The following CLIC6 variants were observed in gnomAD, a reference collection of about 807,000 sequenced individuals.
CLIC6 encodes the protein chloride intracellular channel protein 6.
CLIC6 carries 39 observed loss-of-function variants against 49.2 expected under a neutral mutation model. The observed-to-expected ratio is 0.79, with a 90% CI of 0.61 to 1.04. The LOEUF is 1.04. Among genes scored for constraint, CLIC6 ranks in the 50% least tolerant of loss-of-function variants. CLIC6 has a pLI of 0.00. For synonymous variants in CLIC6, 446 were observed against 433.4 expected (o/e 1.03, Z -0.36); for missense variants, 988 against 993.1 (o/e 0.99, Z 0.07).
Position 34,716,862 on chromosome 21 carries a change from TCACACACACA to T in CLIC6, c.*409_*418del, listed in dbSNP as rs10541127. ...CTCTCTCTCTCTCTCTCTCTCTCTA[TCACACACACA>T]CACACACACACACACACACACACAC... On this transcript the variant is annotated 3_prime_UTR_variant, in exon 6 of 6. Transcript: ENST00000349499. The T allele has an allele frequency of 6.7e-4, 88 of 131,728 alleles. No homozygotes were observed. The highest frequency in any genetic ancestry group is 1.8e-3 in the East Asian group (8 of 4,440). The allele number at this position is 131,728 out of a possible 1,614,324, so 8.2% of individuals were successfully genotyped here.
intron 1 of CLIC6, among the ~76,000 whole-genome samples, chr21:34,702,123 A>G (rs1245204448): frequency 1.3e-5 from 2 of 152,112 alleles, no homozygotes; most frequent in African/African-American, 4.8e-5. Context: ...GGCCCCCGTC[A>G]TTTTGTGAGC....
chr21:34,704,368 AC>A (rs1391402896), intron 1 of CLIC6, among the ~76,000 whole-genome samples: 4 of 152,066 alleles, frequency 2.6e-5, no homozygotes, highest in African/African-American at 9.7e-5. Flanking sequence ...TGTTCCCGTA[AC>A]CCCCTCATTT....
At position 34,670,075 on chromosome 21, in the gene CLIC6, C is replaced by T. The variant is rs1373116711; in HGVS notation, c.687C>T (p.Ser229=). ...ACGCGGAGGGCCGGGTGGGGGACAG[C>T]GTAGACGCGGAAGGTCCGGCGGGGG... ...SVDAEGRVGD[S]VDAEGPAGDS... The change falls in exon 1 of 6, where the codon AGC becomes AGT. Residue 229 remains serine, a synonymous_variant. Coordinates refer to ENST00000349499, the MANE Select transcript of CLIC6 (RefSeq NM_053277.3). 3 of 1,344,402 alleles carry T rather than the reference C, an allele frequency of 2.2e-6. No individual in the cohort carries two copies. Among genetic ancestry groups the T allele is most frequent in the Non-Finnish European group, 2.8e-6 (3 of 1,061,450 alleles). 83.3% of individuals were successfully genotyped at this position (1,344,402 alleles called of 1,614,324 possible). A position where few individuals can be genotyped will look rare whatever the true frequency, so the allele number is the denominator to read the frequency against.
In CLIC6 at chr21:34,717,511, C is replaced by T. The variant is rs2056094529; in HGVS notation, c.*1029C>T. The T allele has an allele frequency of 3.9e-5, 6 of 152,114 alleles. No homozygotes were observed. Among genetic ancestry groups the T allele is most frequent in the Admixed American group, 3.9e-4 (6 of 15,272 alleles). 9.4% of individuals were successfully genotyped at this position (152,114 alleles called of 1,614,324 possible). On this transcript the variant is annotated 3_prime_UTR_variant, in exon 6 of 6. Coordinates refer to ENST00000349499, the MANE Select transcript of CLIC6 (RefSeq NM_053277.3). ...GTCCTGGGCAGTTCTGGTAAACGGT[C>T]CAGTTAGGGAGGGAGTAGAAACTAT... is the stretch of plus-strand genomic sequence containing the variant.
chr21:34,674,266 A>C (rs542976275), intron 1 of CLIC6, among the ~76,000 whole-genome samples: 59 of 152,226 alleles, frequency 3.9e-4, no homozygotes, highest in African/African-American at 1.3e-3. Flanking sequence ...TTTCAAAAAA[A>C]TTTTTGTAGA....
chr21:34,694,403 C>A (rs1990056586), intron 1 of CLIC6, among the ~76,000 whole-genome samples: 1 of 152,044 alleles, frequency 6.6e-6, no homozygotes, highest in Non-Finnish European at 1.5e-5. Flanking sequence ...ACCTCCTGGG[C>A]TCAAGCAATC....
rs141201861 is a variant in CLIC6 at position 34,697,341 on chromosome 21, G to A, written c.1375-9939G>A. ...GGTTCTCCACAGACTTGGGGAGTTTGTTAGGCTTGTCTTAAATTCTCATCT... is the reference window on the plus strand; with the variant it reads ...GGTTCTCCACAGACTTGGGGAGTTTATTAGGCTTGTCTTAAATTCTCATCT... On this transcript the variant is annotated intron_variant, in intron 1 of 5. Coordinates refer to ENST00000349499, the MANE Select transcript of CLIC6 (RefSeq NM_053277.3). Among the ~76,000 whole-genome samples, 750 of 152,284 alleles carry A rather than the reference G, an allele frequency of 4.9e-3. 8 individuals carry two copies. Among genetic ancestry groups the A allele is most frequent in the African/African-American group, 0.017 (706 of 41,546 alleles).
rs540715522 is a variant in CLIC6 at position 34,715,719 on chromosome 21, C to T, written c.1900-602C>T. On this transcript the variant is annotated intron_variant, in intron 5 of 5. Coordinates refer to ENST00000349499, the MANE Select transcript of CLIC6 (RefSeq NM_053277.3). ...TGCTGTGTTTCTCTTGGTGCTGTCT[C>T]TCGACTGCTTCTTCCTTACACCCAC... 3.3e-5 allele frequency among the ~76,000 whole-genome samples: 5 copies of T among 152,364 alleles called. No homozygotes were observed. In the South Asian group the frequency reaches 1.0e-3, roughly 32 times the overall value.
chr21:34,681,575 C>T (rs1989781374), intron 1 of CLIC6, among the ~76,000 whole-genome samples: 1 of 152,174 alleles, frequency 6.6e-6, no homozygotes, highest in African/African-American at 2.4e-5. Context: ...AATCCACTTC[C>T]AAGATGGCTG....
rs764042429 is a variant in CLIC6 at position 34,691,811 on chromosome 21, AG to A, written c.1375-15467del. Among the ~76,000 whole-genome samples the A allele has an allele frequency of 8.5e-5, 13 of 152,358 alleles. No individual in the cohort carries two copies. In the East Asian group the frequency reaches 1.3e-3, roughly 16 times the overall value. On this transcript the variant is annotated intron_variant, in intron 1 of 5. Transcript: ENST00000349499. ...TTGTTCCATTAAGGAAGGCAACTGC[AG>A]GAGAAACTGATGATGTAATTGACTA... is the stretch of plus-strand genomic sequence containing the variant.
intron 1 of CLIC6, among the ~76,000 whole-genome samples, chr21:34,688,997 AG>A (rs1350219478): frequency 2.0e-5 from 3 of 152,130 alleles, no homozygotes; most frequent in Non-Finnish European, 2.9e-5. Flanking sequence ...CTAATCTCTC[AG>A]GGCACCTTTG....
At chr21:34,716,216 A>C in intron 5 of CLIC6, 105 bp from the exon 6 acceptor site, 1 of 965,816 alleles carries the variant, frequency 1.0e-6, no homozygotes, top group Admixed American at 2.2e-5. Context: ...TGACATGGGA[A>C]ACTGGGAAAG....
chr21:34,708,792 A>T lies in CLIC6; in HGVS notation c.1703A>T (p.Lys568Met). Residue 568 changes from lysine (K) to methionine (M), a missense_variant, in exon 4 of 6, where the codon AAG (lysine) becomes ATG (methionine). Transcript: ENST00000349499. Reference sequence around the variant, plus strand: ...TCAGCGTTTATAAAAAACACGAAGAAGGATGCAAATGAGAGTGAGTACCTC... The same window carrying T: ...TCAGCGTTTATAAAAAACACGAAGATGGATGCAAATGAGAGTGAGTACCTC... ...KFSAFIKNTK[K>M]DANEIHEKNL... 3 of 1,613,096 alleles carry T rather than the reference A, an allele frequency of 1.9e-6. No homozygotes were observed. Among genetic ancestry groups the T allele is most frequent in the Non-Finnish European group, 2.5e-6 (3 of 1,179,002 alleles).
intron 3 of CLIC6, 39 bp downstream of exon 3, chr21:34,708,108 A>G (rs2056029505): frequency 6.2e-7 from 1 of 1,610,568 alleles, no homozygotes; most frequent in South Asian, 1.1e-5. Context: ...CTTGATTGTC[A>G]CTTTCCCCCA....
intron 1 of CLIC6, among the ~76,000 whole-genome samples, chr21:34,675,252 C>CAAA (rs71196903): frequency 1.1e-4 from 11 of 100,966 alleles, no homozygotes; most frequent in South Asian, 6.4e-4. Context: ...CCCGCCCCTC[C>CAAA]AAAAAAAAAA....
At position 34,716,512 on chromosome 21, in the gene CLIC6, G is replaced by A; in HGVS notation, c.*30G>A. The A allele has an allele frequency of 1.3e-6, 2 of 1,577,484 alleles. No individual in the cohort carries two copies. Among genetic ancestry groups the A allele is most frequent in the Non-Finnish European group, 8.6e-7 (1 of 1,159,074 alleles). Reference sequence around the variant, plus strand: ...GGGCTGTTTTCTGTCTTATTTCTCAGTTGAGTGAGCAAGGATACGAAAACA... The same window carrying A: ...GGGCTGTTTTCTGTCTTATTTCTCAATTGAGTGAGCAAGGATACGAAAACA... On this transcript the variant is annotated 3_prime_UTR_variant, in exon 6 of 6. Transcript: ENST00000349499.
chr21:34,708,654 C>T, intron 3 of CLIC6, 46 bp from the exon 4 acceptor site: 2 of 1,347,896 alleles, frequency 1.5e-6, no homozygotes, highest in Non-Finnish European at 2.1e-6. Context: ...ATTATCTTCA[C>T]TAAAACATCA....
At position 34,669,748 on chromosome 21, in the gene CLIC6, G is replaced by A; in HGVS notation, c.360G>A (p.Glu120=). ...GCCCGGGACGCGGCGCGCAGGGCGA[G>A]CCCCGCGGGGAGGCTCAGAGGGAGC... ...GASPGRGAQG[E]PRGEAQREPE... Residue 120 remains glutamate, a synonymous_variant, in exon 1 of 6, where the codon GAG becomes GAA. Transcript: ENST00000349499. 1 of 1,393,304 alleles carries A rather than the reference G, an allele frequency of 7.2e-7. No homozygotes were observed. The highest frequency in any genetic ancestry group is 9.2e-7 in the Non-Finnish European group (1 of 1,084,326). 86.3% of individuals were successfully genotyped at this position (1,393,304 alleles called of 1,614,324 possible).
intron 1 of CLIC6, among the ~76,000 whole-genome samples, chr21:34,680,270 T>C (rs1317602433): frequency 6.6e-6 from 1 of 152,218 alleles, no homozygotes; most frequent in Non-Finnish European, 1.5e-5. Context: ...GCCTGAGTTG[T>C]ACCTCGGCCC....
Sources: gnomAD v4.1 joint callset for allele counts (sites outside exome capture counted in the v4.1 genomes callset) on GRCh38, gnomAD v4.1.1 for gene constraint, MANE v1.5 for transcripts, NCBI Gene and HGNC (gene_info 2026-07-23, HGNC 2026-07-21) for gene names.